LYZ: variants seen among roughly 807,000 people sequenced by gnomAD.
LYZ encodes the protein lysozyme C.
LYZ carries 18 observed loss-of-function variants against 15.8 expected under a neutral mutation model. That is an observed-to-expected ratio of 1.14 (90% confidence interval 0.79 to 1.69). LYZ has a LOEUF of 1.69. Ranked by LOEUF, LYZ falls within the 40% of genes most tolerant of loss-of-function variation. LYZ has a pLI of 0.00. For missense variants in LYZ, 139 were observed against 182.8 expected, an observed-to-expected ratio of 0.76 and a Z score of 1.38; for synonymous variants, 60 against 61.7, an observed-to-expected ratio of 0.97 and a Z score of 0.13.
Position 69,352,265 on chromosome 12 carries a change from G to C in LYZ, c.347G>C (p.Arg116Thr). The C allele has an allele frequency of 6.2e-7, 1 of 1,614,030 alleles. No individual in the cohort carries two copies. The highest frequency in any genetic ancestry group is 8.5e-7 in the Non-Finnish European group (1 of 1,179,936). ...NIADAVACAKRVVRDPQGIRA... is the reference protein window; with the variant it reads ...NIADAVACAKTVVRDPQGIRA... ...GCTGATGCTGTAGCTTGTGCAAAGA[G>C]GGTTGTCCGTGATCCACAAGGCATT... is the stretch of plus-strand genomic sequence containing the variant. The change falls in exon 3 of 4, where the codon AGG becomes ACG. Residue 116 changes from arginine (R) to threonine (T), a missense_variant. Coordinates refer to ENST00000261267, the MANE Select transcript of LYZ (RefSeq NM_000239.3).
chr12:69,351,915 T>C (rs1217497936), intron 2 of LYZ, among the ~76,000 whole-genome samples: 1 of 152,220 alleles, frequency 6.6e-6, no homozygotes, highest in Non-Finnish European at 1.5e-5. Flanking sequence ...TTTTCAATAA[T>C]AGAACTGCTG....
In LYZ at chr12:69,353,300, T is replaced by C. The variant is rs777014130; in HGVS notation, c.*81T>C. The C allele has an allele frequency of 3.9e-6, 4 of 1,023,804 alleles. No individual in the cohort carries two copies. The South Asian group carries it at 5.1e-5, about 13-fold the overall frequency. The allele number at this position is 1,023,804 out of a possible 1,614,324, so 63.4% of individuals were successfully genotyped here. ...AATTAAGTGAAAGGTCACACTACCA[T>C]TATTTCCCCTTCAAACAAATAATAT... On this transcript the variant is annotated 3_prime_UTR_variant, in exon 4 of 4. Coordinates refer to ENST00000261267, the MANE Select transcript of LYZ (RefSeq NM_000239.3).
chr12:69,353,220 C>G lies in LYZ; in HGVS notation c.*1C>G. 6.2e-7 allele frequency: 1 copy of G among 1,613,220 alleles called. No individual in the cohort carries two copies. The highest frequency in any genetic ancestry group is 8.5e-7 in the Non-Finnish European group (1 of 1,179,208). The stretch of plus-strand genomic sequence containing the variant: ...GTATGTTCAAGGTTGTGGAGTGTAA[C>G]TCCAGAATTTTCCTTCTTCAGCTCA... On this transcript the variant is annotated 3_prime_UTR_variant, in exon 4 of 4. Coordinates refer to ENST00000261267, the MANE Select transcript of LYZ (RefSeq NM_000239.3).
At chr12:69,351,569 C>T (rs1157260863) in intron 2 of LYZ, among the ~76,000 whole-genome samples, 1 of 152,030 alleles carries the variant, frequency 6.6e-6, no homozygotes, top group Non-Finnish European at 1.5e-5. Context: ...AACCCACATA[C>T]AAACATGTAA....
rs387906535 is a variant in LYZ, at chr12:69,350,170, G to A, written c.199G>A (p.Asp67Asn). The A allele has an allele frequency of 6.2e-7, 1 of 1,614,146 alleles. No individual in the cohort carries two copies. Among genetic ancestry groups the A allele is most frequent in the Non-Finnish European group, 8.5e-7 (1 of 1,180,004 alleles). ...NTRATNYNAGDRSTDYGIFQI... is the reference protein window; with the variant it reads ...NTRATNYNAGNRSTDYGIFQI... ...ACGAGCTACAAACTACAATGCTGGAGACAGAAGCACTGATTATGGGATATT... is the reference window on the plus strand; with the variant it reads ...ACGAGCTACAAACTACAATGCTGGAAACAGAAGCACTGATTATGGGATATT... Residue 67 changes from aspartate (D) to asparagine (N), a missense_variant, in exon 2 of 4, where the codon GAC (aspartate) becomes AAC (asparagine). Transcript: ENST00000261267.
Position 69,353,285 on chromosome 12 carries a change from A to G in LYZ, c.*66A>G. 1 of 1,157,916 alleles carries G rather than the reference A, an allele frequency of 8.6e-7. No homozygotes were observed. The highest frequency in any genetic ancestry group is 1.3e-6 in the Non-Finnish European group (1 of 763,832). 71.7% of individuals were successfully genotyped at this position (1,157,916 alleles called of 1,614,324 possible). A position where few individuals can be genotyped will look rare whatever the true frequency, so the allele number is the denominator to read the frequency against. ...CATTAAGGGAGTAGGAATTAAGTGA[A>G]AGGTCACACTACCATTATTTCCCCT... On this transcript the variant is annotated 3_prime_UTR_variant, in exon 4 of 4. Transcript: ENST00000261267.
chr12:69,353,895 G>A lies in LYZ; in HGVS notation c.*676G>A, dbSNP rs1449463308. ...AAAAGGTTATCTTAAATAGATCTTA[G>A]GCAAAATACCAGCTGATGAAGGCAT... On this transcript the variant is annotated 3_prime_UTR_variant, in exon 4 of 4. Coordinates refer to ENST00000261267, the MANE Select transcript of LYZ (RefSeq NM_000239.3). 1 of 152,254 alleles carries A rather than the reference G, an allele frequency of 6.6e-6. No individual in the cohort carries two copies. The highest frequency in any genetic ancestry group is 1.5e-5 in the Non-Finnish European group (1 of 68,176). The allele number at this position is 152,254 out of a possible 1,614,324, so 9.4% of individuals were successfully genotyped here. A position where few individuals can be genotyped will look rare whatever the true frequency, so the allele number is the denominator to read the frequency against.
chr12:69,350,592 G>T, intron 2 of LYZ: 1 of 298,006 alleles, frequency 3.4e-6, no homozygotes, highest in African/African-American at 2.2e-5. Flanking sequence ...TTAGTTGTAT[G>T]GTCCTTTTTC....
chr12:69,348,441 C>T lies in LYZ; in HGVS notation c.33C>T (p.Leu11=). The change falls in exon 1 of 4, where the codon CTC becomes CTT. Residue 11 remains leucine, a synonymous_variant. Transcript: ENST00000261267. ...CTCTCATTGTTCTGGGGCTTGTCCT[C>T]CTTTCTGTTACGGTCCAGGGCAAGG... MKALIVLGLV[L]LSVTVQGKVF... is the part of the protein sequence containing the mutation. The T allele has an allele frequency of 1.2e-6, 2 of 1,614,170 alleles. No homozygotes were observed. The highest frequency in any genetic ancestry group is 1.7e-6 in the Non-Finnish European group (2 of 1,180,026).
intron 2 of LYZ, chr12:69,350,569 GT>G: frequency 3.0e-6 from 1 of 333,444 alleles, no homozygotes; most frequent in Non-Finnish European, 5.6e-6. Flanking sequence ...CTTTGGGGAG[GT>G]TTTGGGATAA....
At chr12:69,350,071 G>A in intron 1 of LYZ, 37 bp from the exon 2 acceptor site, 1 of 1,588,290 alleles carries the variant, frequency 6.3e-7, no homozygotes, top group Non-Finnish European at 8.6e-7. Context: ...AAGTCACTTA[G>A]TGTTGCTGTT....
intron 1 of LYZ, among the ~76,000 whole-genome samples, chr12:69,348,822 G>A (rs2120823522): frequency 6.6e-6 from 1 of 152,114 alleles, no homozygotes; most frequent in East Asian, 1.9e-4. Context: ...AGATTCAATG[G>A]CACATGTAAG....
Position 69,348,581 on chromosome 12 carries a change from C to T in LYZ, c.136+37C>T, listed in dbSNP as rs182995763. ...CTCCATAATTCCAGAGAATTAGCTA[C>T]GTATGGAACAGACACTAGGAGAGAA... is the stretch of plus-strand genomic sequence containing the variant. On this transcript the variant is annotated intron_variant, in intron 1 of 3. Transcript: ENST00000261267. The T allele has an allele frequency of 3.3e-4, 536 of 1,612,130 alleles. 5 individuals are homozygous for T. In the East Asian group the frequency reaches 8.3e-3, roughly 25 times the overall value.
At position 69,353,290 on chromosome 12, in the gene LYZ, C is replaced by G. The variant is rs1184333143; in HGVS notation, c.*71C>G. ...AGGGAGTAGGAATTAAGTGAAAGGT[C>G]ACACTACCATTATTTCCCCTTCAAA... On this transcript the variant is annotated 3_prime_UTR_variant, in exon 4 of 4. Transcript: ENST00000261267. The G allele has an allele frequency of 8.9e-7, 1 of 1,122,942 alleles. No homozygotes were observed. The highest frequency in any genetic ancestry group is 1.5e-5 in the African/African-American group (1 of 65,304). 69.6% of individuals were successfully genotyped at this position (1,122,942 alleles called of 1,614,324 possible).
Position 69,353,115 on chromosome 12 carries a change from TTTTAACC to T in LYZ, c.381-34_381-28del, listed in dbSNP as rs767995176. 5.2e-5 allele frequency: 75 copies of T among 1,451,640 alleles called. 1 individual carries two copies. The South Asian group carries it at 8.6e-4, about 17-fold the overall frequency. The allele number at this position is 1,451,640 out of a possible 1,614,324, so 89.9% of individuals were successfully genotyped here. A position where few individuals can be genotyped will look rare whatever the true frequency, so the allele number is the denominator to read the frequency against. On this transcript the variant is annotated intron_variant, in intron 3 of 3. Coordinates refer to ENST00000261267, the MANE Select transcript of LYZ (RefSeq NM_000239.3). Reference sequence around the variant, plus strand: ...GTATGTATATTACAATGAAGATATGTTTTAACCTTTCACCATTTGCTTCATCTTTTTC... The same window carrying T: ...GTATGTATATTACAATGAAGATATGTTTTCACCATTTGCTTCATCTTTTTC...
intron 2 of LYZ, 26 bp from the exon 3 acceptor site, chr12:69,352,194 T>G (rs1874857077): frequency 5.1e-6 from 8 of 1,566,618 alleles, no homozygotes; most frequent in African/African-American, 1.4e-5. Flanking sequence ...TATTAAAGTT[T>G]TTATTCCTTA....
In LYZ at chr12:69,353,891, C is replaced by T. The variant is rs1251814404; in HGVS notation, c.*672C>T. ...TAAGAAAAGGTTATCTTAAATAGAT[C>T]TTAGGCAAAATACCAGCTGATGAAG... is the stretch of plus-strand genomic sequence containing the variant. On this transcript the variant is annotated 3_prime_UTR_variant, in exon 4 of 4. Coordinates refer to ENST00000261267, the MANE Select transcript of LYZ (RefSeq NM_000239.3). 6.6e-6 allele frequency: 1 copy of T among 152,310 alleles called. No homozygotes were observed. Among genetic ancestry groups the T allele is most frequent in the Admixed American group, 6.5e-5 (1 of 15,282 alleles). The allele number at this position is 152,310 out of a possible 1,614,324, so 9.4% of individuals were successfully genotyped here.
Position 69,348,860 on chromosome 12 carries a change from G to A in LYZ, c.136+316G>A, listed in dbSNP as rs570301202. On this transcript the variant is annotated intron_variant, in intron 1 of 3. Coordinates refer to ENST00000261267, the MANE Select transcript of LYZ (RefSeq NM_000239.3). ...GACTGAAAGATACATTTGAGGACCT[G>A]GCAGAGCTCTCTCAAGTCCTTGGTA... Among the ~76,000 whole-genome samples the A allele has an allele frequency of 1.3e-4, 20 of 152,268 alleles. No homozygotes were observed. The South Asian group carries it at 4.1e-3, about 32-fold the overall frequency.
At chr12:69,352,194 T>C in intron 2 of LYZ, 26 bp from the exon 3 acceptor site, 1 of 1,566,736 alleles carries the variant, frequency 6.4e-7, no homozygotes, top group East Asian at 2.2e-5. Context: ...TATTAAAGTT[T>C]TTATTCCTTA....
Sources: gnomAD v4.1 joint callset for allele counts (sites outside exome capture counted in the v4.1 genomes callset) on GRCh38, gnomAD v4.1.1 for gene constraint, MANE v1.5 for transcripts, NCBI Gene and HGNC (gene_info 2026-07-23, HGNC 2026-07-21) for gene names.